The following ZBTB38 variants were observed in gnomAD, a reference collection of about 807,000 sequenced individuals.
ZBTB38 encodes the protein zinc finger and BTB domain containing 38.
In ZBTB38, 20 loss-of-function variants were observed where a neutral mutation model predicts 76.8. That is an observed-to-expected ratio of 0.26 (90% CI 0.18 to 0.38). The LOEUF (loss-of-function observed/expected upper bound fraction) is 0.38. Among genes scored for constraint, ZBTB38 ranks in the 10% least tolerant of loss-of-function variants. The pLI, the probability that ZBTB38 is intolerant of heterozygous loss-of-function variation, is 1.00. For missense variants in ZBTB38, 1,082 were observed against 1,482.3 expected (o/e 0.73, Z 4.43); for synonymous variants, 504 against 544.2 (o/e 0.93, Z 1.03).
At position 141,445,022 on chromosome 3, in the gene ZBTB38, G is replaced by A. The variant is rs763454722; in HGVS notation, c.2634G>A (p.Gly878=). 6.2e-7 allele frequency: 1 copy of A among 1,614,164 alleles called. No homozygotes were observed. The highest frequency in any genetic ancestry group is 1.7e-5 in the Admixed American group (1 of 60,028). ...TGCAGGAGGAGCCTTTGCCACAGGG[G>A]AATGACCCAGAACCCAGTGGAGACA... ...YQMQEEPLPQ[G]NDPEPSGDSP... is the part of the protein sequence containing the mutation. The change falls in exon 6 of 6, where the codon GGG becomes GGA. Residue 878 remains glycine, a synonymous_variant. Transcript: ENST00000321464. The surrounding 1 kb of genome is among the most constrained non-coding windows in gnomAD (Gnocchi z 6.5).
chr3:141,414,356 G>C (rs1318757182), intron 5 of ZBTB38, among the ~76,000 whole-genome samples: 1 of 152,176 alleles, frequency 6.6e-6, no homozygotes, highest in Non-Finnish European at 1.5e-5. Context: ...TCCCTCAGTG[G>C]CAACCTGCCC....
At chr3:141,372,522 C>T (rs1413541487) in intron 2 of ZBTB38, among the ~76,000 whole-genome samples, 1 of 151,892 alleles carries the variant, frequency 6.6e-6, no homozygotes, top group Non-Finnish European at 1.5e-5. Flanking sequence ...CAGGGTGGCG[C>T]ACACCTATAA....
At chr3:141,360,984 C>G (rs974015453) in intron 1 of ZBTB38, among the ~76,000 whole-genome samples, 6 of 152,204 alleles carry the variant, frequency 3.9e-5, no homozygotes, top group Non-Finnish European at 7.3e-5. Flanking sequence ...CCGTCAATGT[C>G]AAATCTGTAA....
Position 141,443,667 on chromosome 3 carries a change from C to T in ZBTB38, c.1279C>T (p.Pro427Ser), listed in dbSNP as rs778594971. The stretch of plus-strand genomic sequence containing the variant: ...TGGAGGTTCATTCACAGGTCCAGAA[C>T]CTTTATTATCTGAAAATAGGATTGG... ...QNGGSFTGPE[P>S]LLSENRIGEF... The change falls in exon 6 of 6, where the codon CCT becomes TCT. Residue 427 changes from proline (P) to serine (S), a missense_variant. By Grantham distance (74) the Pro-to-Ser change is moderately conservative. Around this residue, in one of 8 missense-constraint regions of ZBTB38, gnomAD observed 324 missense variants for 359.1 expected, o/e 0.90. Transcript: ENST00000321464. This position sits in a 1 kb window ranked among gnomAD's most constrained non-coding sequence, Gnocchi z 5.6. 21 of 1,614,036 alleles carry T rather than the reference C, an allele frequency of 1.3e-5. 1 individual carries two copies. The highest frequency in any genetic ancestry group is 1.1e-4 in the African/African-American group (8 of 74,900).
chr3:141,412,401 G>A (rs923889075), intron 5 of ZBTB38, among the ~76,000 whole-genome samples: 3 of 152,088 alleles, frequency 2.0e-5, no homozygotes, highest in African/African-American at 7.2e-5. Flanking sequence ...CCACTGTGAG[G>A]TCTACGAGCA....
At chr3:141,431,917 A>G (rs2077703331) in intron 5 of ZBTB38, 1 of 187,656 alleles carries the variant, frequency 5.3e-6, no homozygotes, top group Non-Finnish European at 1.0e-5. Context: ...CCACATTTAG[A>G]AGGCAACATC....
At chr3:141,385,751 A>G (rs1247484198) in intron 3 of ZBTB38, among the ~76,000 whole-genome samples, 1 of 152,014 alleles carries the variant, frequency 6.6e-6, no homozygotes, top group Non-Finnish European at 1.5e-5. Flanking sequence ...TTAAAAAATT[A>G]ATTCCTCACC....
upstream of ZBTB38, among the ~76,000 whole-genome samples, chr3:141,363,748 A>G (rs1219134175): frequency 6.6e-6 from 1 of 152,162 alleles, no homozygotes; most frequent in Non-Finnish European, 1.5e-5. Flanking sequence ...CTTTTCAACA[A>G]ATAGTTATGG....
chr3:141,388,570 T>G (rs980815650), intron 4 of ZBTB38: 1 of 152,216 alleles, frequency 6.6e-6, no homozygotes, highest in Non-Finnish European at 1.5e-5. Context: ...TCTTTTGAAC[T>G]TAACTTCTCA....
chr3:141,414,028 T>C (rs974561638), intron 5 of ZBTB38, among the ~76,000 whole-genome samples: 1 of 152,230 alleles, frequency 6.6e-6, no homozygotes, highest in Non-Finnish European at 1.5e-5. Flanking sequence ...ATCATTTAAA[T>C]TTTAGAAGGA....
chr3:141,359,254 G>GAATCACCTCTTCATAC (rs2148954051), intron 1 of ZBTB38, among the ~76,000 whole-genome samples: 1 of 152,266 alleles, frequency 6.6e-6, no homozygotes, highest in African/African-American at 2.4e-5. Flanking sequence ...GCTCTTCAAG[G>GAATCACCTCTTCATAC]AATCACCTCT....
At chr3:141,356,584 C>A (rs1328003206) in intron 1 of ZBTB38, among the ~76,000 whole-genome samples, 1 of 152,124 alleles carries the variant, frequency 6.6e-6, no homozygotes, top group Non-Finnish European at 1.5e-5. Flanking sequence ...TTGACACAAC[C>A]AAATACCAAT....
In ZBTB38 at chr3:141,381,898, TAACA is replaced by T. The variant is rs1946249164; in HGVS notation, c.-172+416_-172+419del. ...AGACAGAGGCAAAATGAACAGATGTTAACAAACAGAGTCATTAAAATGATTTTAG... is the reference window on the plus strand; with the variant it reads ...AGACAGAGGCAAAATGAACAGATGTTAACAGAGTCATTAAAATGATTTTAG... On this transcript the variant is annotated intron_variant, in intron 3 of 5. Transcript: ENST00000321464. Among the ~76,000 whole-genome samples, 3 of 152,196 alleles carry T rather than the reference TAACA, an allele frequency of 2.0e-5. No homozygotes were observed. The South Asian group carries it at 6.2e-4, about 32-fold the overall frequency.
chr3:141,326,132 A>G (rs1320339587), intron 1 of ZBTB38, among the ~76,000 whole-genome samples: 1 of 152,246 alleles, frequency 6.6e-6, no homozygotes, highest in Non-Finnish European at 1.5e-5. Context: ...AACAATAATA[A>G]TGATAAGTTA....
intron 5 of ZBTB38, among the ~76,000 whole-genome samples, chr3:141,439,952 T>C (rs148099189): frequency 3.9e-5 from 6 of 152,320 alleles, no homozygotes; most frequent in Middle Eastern, 3.4e-3. Context: ...AAGTATGCTA[T>C]TGATCTGTGA....
rs1462275023 is a variant in ZBTB38, at chr3:141,412,558, G to A, written c.-1+8527G>A. Reference sequence around the variant, plus strand: ...TGCGAGTGTTTACCTGCAGTGGTTTGGAGTTTGTTTGGGGAGTTTTAATTA... The same window carrying A: ...TGCGAGTGTTTACCTGCAGTGGTTTAGAGTTTGTTTGGGGAGTTTTAATTA... On this transcript the variant is annotated intron_variant, in intron 5 of 5. Coordinates refer to ENST00000321464, the MANE Select transcript of ZBTB38 (RefSeq NM_001376113.1). Among the ~76,000 whole-genome samples the A allele has an allele frequency of 5.3e-5, 8 of 151,960 alleles. No individual in the cohort carries two copies. The East Asian group carries it at 1.3e-3, about 26-fold the overall frequency.
chr3:141,388,825 A>G (rs915104911), intron 4 of ZBTB38: 5 of 152,226 alleles, frequency 3.3e-5, no homozygotes, highest in African/African-American at 1.2e-4. Flanking sequence ...GAAAGCTTGC[A>G]CAGTGACAGC....
chr3:141,402,040 AG>A (rs1370466179), intron 4 of ZBTB38, among the ~76,000 whole-genome samples: 6 of 152,232 alleles, frequency 3.9e-5, no homozygotes, highest in Non-Finnish European at 7.4e-5. Context: ...GACAGTCACC[AG>A]GCTCTGTGGC....
At chr3:141,338,859 G>T (rs1467338754) in intron 1 of ZBTB38, among the ~76,000 whole-genome samples, 1 of 152,132 alleles carries the variant, frequency 6.6e-6, no homozygotes, top group Admixed American at 6.5e-5. Context: ...TGCCCTTCTA[G>T]ATTCTAGACC....
Sources: gnomAD v4.1 joint callset for allele counts (sites outside exome capture counted in the v4.1 genomes callset) on GRCh38, gnomAD v4.1.1 for gene constraint, gnomAD v4.1.1 regional missense constraint, Gnocchi (gnomAD v3.1) non-coding constraint, MANE v1.5 for transcripts, NCBI Gene and HGNC (gene_info 2026-07-23, HGNC 2026-07-21) for gene names.